TMEM74: variants seen among roughly 807,000 people sequenced by gnomAD.
The protein encoded by TMEM74 is transmembrane protein 74.
A neutral mutation model predicts 18.1 loss-of-function variants in TMEM74; 13 were observed. That is an observed-to-expected ratio of 0.72 (90% confidence interval 0.47 to 1.14). The LOEUF is 1.14. TMEM74 is among the 50% of genes most tolerant of loss of function. The probability of loss-of-function intolerance (pLI) is 0.00; values close to 1 mark genes in which losing one functional copy is unlikely to be tolerated. For synonymous variants in TMEM74, 159 were observed against 146.6 expected (o/e 1.08, Z -0.61); for missense variants, 372 against 375.9 (o/e 0.99, Z 0.09).
intron 1 of TMEM74, among the ~76,000 whole-genome samples, chr8:108,701,814 A>G (rs1021028983): frequency 6.6e-6 from 1 of 152,198 alleles, no homozygotes; most frequent in African/African-American, 2.4e-5. Context: ...AAGATTGTCA[A>G]GATGTCTTTT....
At chr8:108,718,348 A>G (rs951107962) in intron 1 of TMEM74, among the ~76,000 whole-genome samples, 4 of 152,156 alleles carry the variant, frequency 2.6e-5, no homozygotes, top group African/African-American at 7.2e-5. Context: ...GTGTATTAAT[A>G]TAGTATATTG....
chr8:108,623,612 T>A (rs1812465601), intron 2 of TMEM74, among the ~76,000 whole-genome samples: 1 of 152,124 alleles, frequency 6.6e-6, no homozygotes, highest in African/African-American at 2.4e-5. Flanking sequence ...AATACATATT[T>A]TAAGTATCTT....
chr8:108,651,939 G>A (rs1333345362), intron 2 of TMEM74, among the ~76,000 whole-genome samples: 7 of 149,018 alleles, frequency 4.7e-5, no homozygotes, highest in African/African-American at 7.4e-5. Context: ...ACCATGTGTC[G>A]CTAAAAAAAA....
At position 108,758,728 on chromosome 8, in the gene TMEM74, T is replaced by C. The variant is rs144849300; in HGVS notation, n.119+28748A>G. On this transcript the variant is annotated intron_variant and non_coding_transcript_variant, in intron 1 of 3. Transcript: ENST00000518838. ...AGACCAAAGAAGAACAAAATGTTCA[T>C]TATCATATTGTTTATAACAGTAAAA... 5.0e-3 allele frequency among the ~76,000 whole-genome samples: 761 copies of C among 152,204 alleles called. 8 individuals carry two copies. Among genetic ancestry groups the C allele is most frequent in the African/African-American group, 0.017 (717 of 41,572 alleles).
exon 4 of TMEM74, chr8:108,607,381 T>C (rs1456283982): frequency 1.3e-5 from 2 of 152,154 alleles, no homozygotes; most frequent in Non-Finnish European, 2.9e-5. Context: ...GAGTCAAAAA[T>C]TAGAATGTCT....
intron 1 of TMEM74, among the ~76,000 whole-genome samples, chr8:108,752,077 AC>A (rs1174091280): frequency 1.3e-5 from 2 of 151,818 alleles, no homozygotes; most frequent in Non-Finnish European, 2.9e-5. Flanking sequence ...ATGAATGACA[AC>A]CCTTACCTTA....
At chr8:108,620,417 G>C (rs564019183) in intron 2 of TMEM74, among the ~76,000 whole-genome samples, 1 of 152,224 alleles carries the variant, frequency 6.6e-6, no homozygotes, top group East Asian at 1.9e-4. Context: ...GGTTGTAATG[G>C]GATATGGGTA....
At chr8:108,770,001 G>A (rs961925843) in intron 1 of TMEM74, among the ~76,000 whole-genome samples, 2 of 151,032 alleles carry the variant, frequency 1.3e-5, no homozygotes, top group African/African-American at 4.9e-5. Context: ...TATCTTTTAT[G>A]GAGTTTTATC....
chr8:108,766,233 T>C (rs1044119199), intron 1 of TMEM74, among the ~76,000 whole-genome samples: 1 of 152,110 alleles, frequency 6.6e-6, no homozygotes, highest in Non-Finnish European at 1.5e-5. Flanking sequence ...CCTTTCTTCT[T>C]TCTTTCTCTC....
intron 1 of TMEM74, among the ~76,000 whole-genome samples, chr8:108,763,237 A>G (rs937055866): frequency 6.6e-6 from 1 of 151,926 alleles, no homozygotes; most frequent in African/African-American, 2.4e-5. Flanking sequence ...GCCTTAGACC[A>G]TCCCACATAA....
chr8:108,700,401 G>A (rs1813323413), intron 1 of TMEM74, among the ~76,000 whole-genome samples: 1 of 152,118 alleles, frequency 6.6e-6, no homozygotes, highest in Admixed American at 6.5e-5. Context: ...TGCTCTTGGT[G>A]TACTTTAACA....
chr8:108,747,555 C>CT (rs1451513881), intron 1 of TMEM74, among the ~76,000 whole-genome samples: 5 of 151,740 alleles, frequency 3.3e-5, no homozygotes, highest in South Asian at 4.2e-4. Flanking sequence ...CTCTCTCTCT[C>CT]TTTTTTTTAA....
At chr8:108,721,892 A>C (rs1813590021) in intron 1 of TMEM74, among the ~76,000 whole-genome samples, 1 of 152,192 alleles carries the variant, frequency 6.6e-6, no homozygotes, top group Admixed American at 6.5e-5. Flanking sequence ...GTTTATACAA[A>C]TGGAAGCATG....
chr8:108,737,158 C>G (rs527488252), intron 1 of TMEM74, among the ~76,000 whole-genome samples: 1 of 152,010 alleles, frequency 6.6e-6, no homozygotes, highest in Non-Finnish European at 1.5e-5. Context: ...GGGTTCATAC[C>G]CTGGCTCTGC....
At chr8:108,737,915 A>G (rs182775648) in intron 1 of TMEM74, among the ~76,000 whole-genome samples, 13 of 152,334 alleles carry the variant, frequency 8.5e-5, no homozygotes, top group African/African-American at 3.1e-4. Context: ...CCAAACTGGT[A>G]AATATTAGGA....
At chr8:108,707,961 G>T (rs1463456644) in intron 1 of TMEM74, among the ~76,000 whole-genome samples, 3 of 152,176 alleles carry the variant, frequency 2.0e-5, no homozygotes, top group Admixed American at 6.5e-5. Flanking sequence ...TTGATGTACA[G>T]ATTGTTTCAT....
intron 2 of TMEM74, among the ~76,000 whole-genome samples, chr8:108,636,261 C>G (rs1380325330): frequency 6.6e-6 from 1 of 151,980 alleles, no homozygotes; most frequent in Admixed American, 6.6e-5. Flanking sequence ...AGTGGGCTAG[C>G]CTGTATGAGG....
intron 1 of TMEM74, among the ~76,000 whole-genome samples, chr8:108,703,890 T>G (rs1421548774): frequency 1.3e-5 from 2 of 152,104 alleles, no homozygotes; most frequent in Non-Finnish European, 2.9e-5. Flanking sequence ...CAAGAAAGAG[T>G]TCAAATGCCC....
At chr8:108,720,561 T>C (rs1267584688) in intron 1 of TMEM74, among the ~76,000 whole-genome samples, 1 of 152,168 alleles carries the variant, frequency 6.6e-6, no homozygotes, top group Middle Eastern at 3.2e-3. Context: ...GCTGCAAACA[T>C]AATGTAAATT....
Sources: gnomAD v4.1 joint callset for allele counts (sites outside exome capture counted in the v4.1 genomes callset) on GRCh38, gnomAD v4.1.1 for gene constraint, MANE v1.5 for transcripts, NCBI Gene and HGNC (gene_info 2026-07-23, HGNC 2026-07-21) for gene names.